The following STAT2 variants were observed in gnomAD, a reference collection of about 807,000 sequenced individuals.
The protein encoded by STAT2 is interferon alpha induced transcriptional activator.
A neutral mutation model predicts 122.3 loss-of-function variants in STAT2; 51 were observed. The observed-to-expected ratio is 0.42, with a 90% CI of 0.33 to 0.53. The LOEUF is 0.53. Ranked by LOEUF, STAT2 falls within the 20% of genes least tolerant of loss-of-function variation. The probability of loss-of-function intolerance (pLI) is 0.10; values close to 1 mark genes in which losing one functional copy is unlikely to be tolerated. For missense variants in STAT2, 736 were observed against 1,010.3 expected (o/e 0.73, Z 3.68); for synonymous variants, 351 against 394.9 (o/e 0.89, Z 1.32).
intron 8 of STAT2, among the ~76,000 whole-genome samples, chr12:56,351,838 C>T (rs1263941429): frequency 1.3e-5 from 2 of 151,780 alleles, no homozygotes; most frequent in Non-Finnish European, 2.9e-5. Flanking sequence ...GGTCATACAA[C>T]TAGTAAGGGA....
At chr12:56,349,904 C>T in intron 13 of STAT2, 193 bp downstream of exon 13, 1 of 648,218 alleles carries the variant, frequency 1.5e-6, no homozygotes, top group Admixed American at 2.9e-5. Flanking sequence ...CAAAAATTAG[C>T]CGGGCATGGT....
chr12:56,358,960 C>G (rs540472793), intron 1 of STAT2, among the ~76,000 whole-genome samples: 1 of 152,354 alleles, frequency 6.6e-6, no homozygotes, highest in African/African-American at 2.4e-5. Flanking sequence ...TTTCTCCCCA[C>G]TGTTCCCTGC....
chr12:56,354,040 T>TA (rs760881337), intron 8 of STAT2, among the ~76,000 whole-genome samples: 5 of 53,360 alleles, frequency 9.4e-5, no homozygotes, highest in African/African-American at 2.7e-4. Flanking sequence ...TATATATATA[T>TA]AAAAAATACT....
chr12:56,347,055 GA>G (rs2136045078), intron 19 of STAT2, 100 bp from the exon 20 acceptor site: 1 of 1,527,518 alleles, frequency 6.5e-7, no homozygotes, highest in African/African-American at 1.4e-5. Flanking sequence ...CCCAGGTTTG[GA>G]ATCCAGGCTT....
intron 8 of STAT2, among the ~76,000 whole-genome samples, chr12:56,353,475 G>A (rs1878874065): frequency 6.6e-6 from 1 of 152,088 alleles, no homozygotes; most frequent in Non-Finnish European, 1.5e-5. Context: ...ATTTTTAAAT[G>A]AGAAAATATT....
At chr12:56,355,620 G>A in intron 4 of STAT2, 88 bp from the exon 5 acceptor site, 1 of 1,585,732 alleles carries the variant, frequency 6.3e-7, no homozygotes. Flanking sequence ...ATGTCGGGGG[G>A]ATCCTGTTCT....
At chr12:56,348,406 T>C in intron 19 of STAT2, 123 bp downstream of exon 19, 1 of 948,350 alleles carries the variant, frequency 1.1e-6, no homozygotes, top group Non-Finnish European at 1.7e-6. Context: ...TTAACAAATG[T>C]GAGGAGACGT....
chr12:56,342,751 GC>G lies in STAT2; in HGVS notation c.*637del, dbSNP rs1186502774. On this transcript the variant is annotated 3_prime_UTR_variant, in exon 24 of 24. Coordinates refer to ENST00000314128, the MANE Select transcript of STAT2 (RefSeq NM_005419.4). ...ATTTTATGGGGGAGGAACAGGTACAGCCAGCTTAGGGGCAGAGTAGGGGAGG... is the reference window on the plus strand; with the variant it reads ...ATTTTATGGGGGAGGAACAGGTACAGCAGCTTAGGGGCAGAGTAGGGGAGG... The G allele has an allele frequency of 2.0e-5, 3 of 152,230 alleles. No homozygotes were observed. The highest frequency in any genetic ancestry group is 7.2e-5 in the African/African-American group (3 of 41,412). 9.4% of individuals were successfully genotyped at this position (152,230 alleles called of 1,614,324 possible).
At chr12:56,359,780 G>C (rs1171230866) in intron 1 of STAT2, among the ~76,000 whole-genome samples, 1 of 152,184 alleles carries the variant, frequency 6.6e-6, no homozygotes, top group Non-Finnish European at 1.5e-5. Context: ...AAATAATGCA[G>C]AGCAGAGGGA....
chr12:56,343,533 T>C lies in STAT2; in HGVS notation c.2414-2A>G. On this transcript the variant is annotated splice_acceptor_variant, in intron 23 of 23. Coordinates refer to ENST00000314128, the MANE Select transcript of STAT2 (RefSeq NM_005419.4). LOFTEE classifies it high-confidence loss of function. ...CAATCTTTACACAGTTTCTGAAGAC[T>C]AGGTAATCCAGAGAGAAAAGTGAGG... 6.2e-7 allele frequency: 1 copy of C among 1,613,096 alleles called. No individual in the cohort carries two copies. Among genetic ancestry groups the C allele is most frequent in the Non-Finnish European group, 8.5e-7 (1 of 1,179,356 alleles).
Position 56,356,579 on chromosome 12 carries a change from C to T in STAT2, c.-7-1G>A. On this transcript the variant is annotated splice_acceptor_variant, in intron 1 of 23. Coordinates refer to ENST00000314128, the MANE Select transcript of STAT2 (RefSeq NM_005419.4). LOFTEE classifies it low-confidence loss of function (5UTR_SPLICE). ...CATTTCCCACTGCGCCATTTGGGCTCTGCGTCAGAAGGATGAGGGTTCCCA... is the reference window on the plus strand; with the variant it reads ...CATTTCCCACTGCGCCATTTGGGCTTTGCGTCAGAAGGATGAGGGTTCCCA... The T allele has an allele frequency of 6.2e-7, 1 of 1,614,038 alleles. No individual in the cohort carries two copies. Among genetic ancestry groups the T allele is most frequent in the Non-Finnish European group, 8.5e-7 (1 of 1,179,982 alleles).
chr12:56,354,348 G>C, intron 8 of STAT2, 118 bp downstream of exon 8: 1 of 1,496,354 alleles, frequency 6.7e-7, no homozygotes, highest in Non-Finnish European at 9.1e-7. Context: ...GCAGGGAGCA[G>C]GGCTCATTCT....
At chr12:56,356,063 T>C (rs1347770969) in intron 3 of STAT2, 69 bp downstream of exon 3, 3 of 1,564,554 alleles carry the variant, frequency 1.9e-6, no homozygotes, top group East Asian at 2.2e-5. Context: ...TACTATTCTA[T>C]TCTCCAAACC....
chr12:56,343,190 G>T lies in STAT2; in HGVS notation c.*199C>A. ...TATTTAGACCTATGGCTCAGCATCT[G>T]TTCTGATTCATTGTTGTCCCCTCTG... On this transcript the variant is annotated 3_prime_UTR_variant, in exon 24 of 24. Transcript: ENST00000314128. The T allele has an allele frequency of 4.5e-6, 3 of 672,450 alleles. No individual in the cohort carries two copies. Among genetic ancestry groups the T allele is most frequent in the Non-Finnish European group, 7.1e-6 (3 of 422,546 alleles). The allele number at this position is 672,450 out of a possible 1,614,324, so 41.7% of individuals were successfully genotyped here.
intron 23 of STAT2, 125 bp downstream of exon 23, chr12:56,343,700 G>A (rs1876912929): frequency 5.2e-6 from 8 of 1,532,718 alleles, no homozygotes; most frequent in Non-Finnish European, 7.0e-6. Flanking sequence ...CCTAAAAAAA[G>A]GAATCACAGA....
Position 56,354,520 on chromosome 12 carries a change from T to A in STAT2, c.728A>T (p.Gln243Leu), listed in dbSNP as rs1435365538. 3 of 1,614,096 alleles carry A rather than the reference T, an allele frequency of 1.9e-6. No homozygotes were observed. The highest frequency in any genetic ancestry group is 2.5e-6 in the Non-Finnish European group (3 of 1,180,046). Residue 243 changes from glutamine to leucine, a missense_variant, in exon 8 of 24, where the codon CAA becomes CTA. Transcript: ENST00000314128. ...PKLEEWKAQQ[Q>L]KACIRAPIDH... ...AATGGGAGCTCTGATGCAGGCTTTT[T>A]GCTGCTGGGCCTTCCACTCCTCCAA...
chr12:56,343,011 T>C lies in STAT2; in HGVS notation c.*378A>G, dbSNP rs560651116. ...TCCCCACCAAGGGCCAATGCCAGTA[T>C]GCACCAGTTTAGCCTAACCAACTAT... On this transcript the variant is annotated 3_prime_UTR_variant, in exon 24 of 24. Coordinates refer to ENST00000314128, the MANE Select transcript of STAT2 (RefSeq NM_005419.4). 1 of 175,580 alleles carries C rather than the reference T, an allele frequency of 5.7e-6. No individual in the cohort carries two copies. Among genetic ancestry groups the C allele is most frequent in the Non-Finnish European group, 1.2e-5 (1 of 83,448 alleles). The allele number at this position is 175,580 out of a possible 1,614,324, so 10.9% of individuals were successfully genotyped here. A position where few individuals can be genotyped will look rare whatever the true frequency, so the allele number is the denominator to read the frequency against.
chr12:56,349,134 G>T (rs760656266), intron 16 of STAT2, 29 bp downstream of exon 16: 1 of 1,614,000 alleles, frequency 6.2e-7, no homozygotes, highest in Non-Finnish European at 8.5e-7. Context: ...CTCCTCTCGC[G>T]CCTTGACCTG....
chr12:56,346,487 G>C lies in STAT2; in HGVS notation c.1999C>G (p.Arg667Gly), dbSNP rs1565648608. 1 of 1,614,056 alleles carries C rather than the reference G, an allele frequency of 6.2e-7. No homozygotes were observed. Among genetic ancestry groups the C allele is most frequent in the African/African-American group, 1.3e-5 (1 of 74,912 alleles). Residue 667 changes from arginine to glycine, a missense_variant, in exon 21 of 24, where the codon CGA (arginine) becomes GGA (glycine). Coordinates refer to ENST00000314128, the MANE Select transcript of STAT2 (RefSeq NM_005419.4). ...CCAAAAGCTTCATCCCGGGGGATTCGGGGATAGAGGAAGCGCAGTGGGTTT... is the reference window on the plus strand; with the variant it reads ...CCAAAAGCTTCATCCCGGGGGATTCCGGGATAGAGGAAGCGCAGTGGGTTT... ...PENPLRFLYP[R>G]IPRDEAFGCY...
Sources: gnomAD v4.1 joint callset for allele counts (sites outside exome capture counted in the v4.1 genomes callset) on GRCh38, gnomAD v4.1.1 for gene constraint, MANE v1.5 for transcripts, NCBI Gene and HGNC (gene_info 2026-07-23, HGNC 2026-07-21) for gene names.